Variants in KCNH1 observed in about 807,000 individuals in gnomAD.
KCNH1 encodes the protein voltage-gated delayed rectifier potassium channel KCNH1.
KCNH1 carries 27 observed loss-of-function variants against 69.2 expected under a neutral mutation model. That is an observed-to-expected ratio of 0.39 (90% CI 0.29 to 0.54). KCNH1 has a LOEUF of 0.54. KCNH1 is among the 20% of genes least tolerant of loss of function. The probability of loss-of-function intolerance (pLI) is 0.68; values close to 1 mark genes in which losing one functional copy is unlikely to be tolerated. For synonymous variants in KCNH1, 456 were observed against 487.7 expected (o/e 0.93, Z 0.86); for missense variants, 798 against 1,261.6 (o/e 0.63, Z 5.57).
chr1:210,852,462 G>A (rs1013562519), intron 7 of KCNH1, among the ~76,000 whole-genome samples: 5 of 152,160 alleles, frequency 3.3e-5, no homozygotes, highest in Admixed American at 2.0e-4. Flanking sequence ...GACCAGGAGA[G>A]TAAATTTTAA....
rs530751584 is a variant in KCNH1 at position 210,866,820 on chromosome 1, A to G, written c.1462+52820T>C. Among the ~76,000 whole-genome samples, 5 of 152,282 alleles carry G rather than the reference A, an allele frequency of 3.3e-5. No homozygotes were observed. In the East Asian group the frequency reaches 9.6e-4, roughly 29 times the overall value. On this transcript the variant is annotated intron_variant, in intron 7 of 10. Coordinates refer to ENST00000271751, the MANE Select transcript of KCNH1 (RefSeq NM_172362.3). ...GTACATGAATGCTCATAATGTTCATAGGAACATTGTTCATAATGGCCAAAA... is the reference window on the plus strand; with the variant it reads ...GTACATGAATGCTCATAATGTTCATGGGAACATTGTTCATAATGGCCAAAA...
At chr1:211,050,260 T>TA (rs747498526) in intron 5 of KCNH1, among the ~76,000 whole-genome samples, 2,134 of 58,298 alleles carry the variant, frequency 0.037, 241 homozygotes, top group South Asian at 0.048. Flanking sequence ...CACACATTCT[T>TA]AAAAAAAAAA....
At chr1:210,770,222 G>A (rs956182232) in intron 10 of KCNH1, among the ~76,000 whole-genome samples, 2 of 152,080 alleles carry the variant, frequency 1.3e-5, no homozygotes, top group Admixed American at 6.6e-5. Flanking sequence ...GGGGTCAAGG[G>A]GAGAGAGAGC....
intron 5 of KCNH1, among the ~76,000 whole-genome samples, chr1:211,031,651 G>A (rs963317287): frequency 1.3e-5 from 2 of 152,046 alleles, no homozygotes; most frequent in Admixed American, 6.6e-5. Context: ...CAGAACCAAC[G>A]ACAAAAAACA....
chr1:210,716,312 A>G (rs1446309219), intron 10 of KCNH1, among the ~76,000 whole-genome samples: 1 of 151,694 alleles, frequency 6.6e-6, no homozygotes, highest in Non-Finnish European at 1.5e-5. Flanking sequence ...GGCATCTGTA[A>G]TCCCAGCTAC....
intron 10 of KCNH1, among the ~76,000 whole-genome samples, chr1:210,742,020 C>T (rs1445189564): frequency 1.3e-5 from 2 of 152,162 alleles, no homozygotes; most frequent in Non-Finnish European, 2.9e-5. Context: ...AGGAAAACAA[C>T]TGGGTGAGCT....
intron 7 of KCNH1, among the ~76,000 whole-genome samples, chr1:210,888,675 GA>G (rs1304970331): frequency 1.3e-5 from 2 of 151,804 alleles, no homozygotes; most frequent in African/African-American, 4.8e-5. Flanking sequence ...TAATAAAGAA[GA>G]AAAGAGAGAA....
chr1:211,002,383 T>C (rs188482692), intron 6 of KCNH1, among the ~76,000 whole-genome samples: 16 of 149,480 alleles, frequency 1.1e-4, no homozygotes, highest in Non-Finnish European at 1.9e-4. Context: ...TACACCATCC[T>C]AGGGCCCAAA....
chr1:210,863,019 T>C (rs1247019487), intron 7 of KCNH1, among the ~76,000 whole-genome samples: 1 of 152,192 alleles, frequency 6.6e-6, no homozygotes, highest in African/African-American at 2.4e-5. Context: ...GCGTGTAAAG[T>C]TAGGCTTTGA....
At chr1:210,989,960 C>T (rs1688908903) in intron 6 of KCNH1, among the ~76,000 whole-genome samples, 4 of 152,188 alleles carry the variant, frequency 2.6e-5, no homozygotes, top group African/African-American at 7.2e-5. Context: ...TGCAGAAAAG[C>T]TACTGTGTTA....
chr1:210,692,602 C>T (rs910794493), intron 10 of KCNH1, among the ~76,000 whole-genome samples: 1 of 152,118 alleles, frequency 6.6e-6, no homozygotes, highest in Non-Finnish European at 1.5e-5. Flanking sequence ...GTAAGGATCT[C>T]AAGATGAGAT....
chr1:210,868,828 C>A (rs1220161144), intron 7 of KCNH1, among the ~76,000 whole-genome samples: 1 of 151,882 alleles, frequency 6.6e-6, no homozygotes, highest in Non-Finnish European at 1.5e-5. Flanking sequence ...AAGTATATAA[C>A]CTTTTGGGAT....
At chr1:210,953,406 GC>G (rs1413555932) in intron 6 of KCNH1, among the ~76,000 whole-genome samples, 1 of 152,138 alleles carries the variant, frequency 6.6e-6, no homozygotes, top group Non-Finnish European at 1.5e-5. Flanking sequence ...ACCAAAAGAA[GC>G]TTTTCAATCC....
At chr1:210,973,662 C>G (rs532649534) in intron 6 of KCNH1, among the ~76,000 whole-genome samples, 1 of 152,074 alleles carries the variant, frequency 6.6e-6, no homozygotes, top group Non-Finnish European at 1.5e-5. Context: ...TAATTTTATA[C>G]AGTTTAACTA....
chr1:210,737,140 T>C (rs1682899749), intron 10 of KCNH1, among the ~76,000 whole-genome samples: 1 of 152,054 alleles, frequency 6.6e-6, no homozygotes, highest in African/African-American at 2.4e-5. Context: ...TTCACTAGAG[T>C]ATTTCCAGTG....
chr1:210,905,726 G>T (rs982070487), intron 7 of KCNH1, among the ~76,000 whole-genome samples: 1 of 151,902 alleles, frequency 6.6e-6, no homozygotes, highest in African/African-American at 2.4e-5. Flanking sequence ...GCAGCCGTAG[G>T]GTGCTGAGGG....
intron 6 of KCNH1, among the ~76,000 whole-genome samples, chr1:210,980,170 C>G (rs759740949): frequency 3.3e-5 from 5 of 152,152 alleles, no homozygotes; most frequent in Admixed American, 1.3e-4. Flanking sequence ...TTGTCTGAAA[C>G]CATTGCTAAG....
rs1688466490 is a variant in KCNH1, at chr1:210,969,176, T to C, written c.1033-49107A>G. 2.0e-5 allele frequency among the ~76,000 whole-genome samples: 3 copies of C among 152,094 alleles called. No homozygotes were observed. The South Asian group carries it at 6.2e-4, about 31-fold the overall frequency. On this transcript the variant is annotated intron_variant, in intron 6 of 10. Transcript: ENST00000271751. ...TTATGAATTCTTATTTACTCTTTTT[T>C]GGTTATAAATTTTTCATCCATCCTC... is the stretch of plus-strand genomic sequence containing the variant.
chr1:210,821,011 T>C (rs1333182169), intron 7 of KCNH1, among the ~76,000 whole-genome samples: 3 of 152,222 alleles, frequency 2.0e-5, no homozygotes, highest in Non-Finnish European at 2.9e-5. Flanking sequence ...TAATCTATTA[T>C]AGCGCAATAG....
Sources: allele counts gnomAD v4.1 joint callset (sites outside exome capture counted in the v4.1 genomes callset), GRCh38; gene constraint gnomAD v4.1.1; transcripts MANE v1.5; gene names NCBI Gene and HGNC (gene_info 2026-07-23, HGNC 2026-07-21).